GEMIN2: variants seen among roughly 807,000 people sequenced by gnomAD.
GEMIN2 encodes the protein gem-associated protein 2.
GEMIN2 carries 37 observed loss-of-function variants against 45.8 expected under a neutral mutation model. The observed-to-expected ratio is 0.81, with a 90% CI of 0.62 to 1.06. The LOEUF (loss-of-function observed/expected upper bound fraction) is 1.06, where lower values mean the gene tolerates loss of function less well. Among genes scored for constraint, GEMIN2 ranks in the 50% least tolerant of loss-of-function variants. The pLI, the probability that GEMIN2 is intolerant of heterozygous loss-of-function variation, is 0.00. For synonymous variants in GEMIN2, 101 were observed against 111.5 expected (o/e 0.91, Z 0.60); for missense variants, 335 against 321.8 (o/e 1.04, Z -0.31).
intron 4 of GEMIN2, among the ~76,000 whole-genome samples, chr14:39,118,843 T>C (rs970193725): frequency 6.6e-6 from 1 of 150,848 alleles, no homozygotes; most frequent in Non-Finnish European, 1.5e-5. Context: ...AGTGCAGTCA[T>C]GGCTCACTGC....
rs2139360604 is a variant in GEMIN2, at chr14:39,133,666, C to A, written c.717C>A (p.Ser239Arg). The stretch of plus-strand genomic sequence containing the variant: ...TTTTCTTTTTTTTTTTTTAGGATAG[C>A]AAAGATGATGAGAGGGTTCCTGCTT... ...RCSEVRLLVD[S>R]KDDERVPALN... Residue 239 changes from serine to arginine, a missense_variant, in exon 9 of 10, where the codon AGC (serine) becomes AGA (arginine). By Grantham distance (110) the Ser-to-Arg change is moderately radical (BLOSUM62 -1). Transcript: ENST00000308317. 3.4e-6 allele frequency: 5 copies of A among 1,458,944 alleles called. No individual in the cohort carries two copies. Among genetic ancestry groups the A allele is most frequent in the South Asian group, 2.6e-5 (2 of 77,478 alleles). The allele number at this position is 1,458,944 out of a possible 1,614,324, so 90.4% of individuals were successfully genotyped here.
At chr14:39,136,409 A>T (rs1168822007) in intron 9 of GEMIN2, 31 bp from the exon 10 acceptor site, 1 of 1,097,108 alleles carries the variant, frequency 9.1e-7, no homozygotes, top group Admixed American at 1.7e-5. Context: ...TAATATCTTT[A>T]TACATAAATT....
chr14:39,118,780 ATTTTTT>A (rs373341724), intron 4 of GEMIN2, among the ~76,000 whole-genome samples, 181 bp downstream of exon 4: 1 of 138,732 alleles, frequency 7.2e-6, no homozygotes. Flanking sequence ...TTCATGACAA[ATTTTTT>A]TTTTTTTTTT....
rs780699590 is a variant in GEMIN2 at position 39,133,752 on chromosome 14, T to A, written c.770+33T>A. 1.0e-5 allele frequency: 11 copies of A among 1,077,784 alleles called. No individual in the cohort carries two copies. In the South Asian group the frequency reaches 1.4e-4, roughly 14 times the overall value. The allele number at this position is 1,077,784 out of a possible 1,614,324, so 66.8% of individuals were successfully genotyped here. ...TAATCCTTGGCTTCTTTATTATTTATCAGTGAGGTCAGTGAGGTTAGATCG... is the reference window on the plus strand; with the variant it reads ...TAATCCTTGGCTTCTTTATTATTTAACAGTGAGGTCAGTGAGGTTAGATCG... On this transcript the variant is annotated intron_variant, in intron 9 of 9. Coordinates refer to ENST00000308317, the MANE Select transcript of GEMIN2 (RefSeq NM_003616.3).
chr14:39,129,934 GTTTTTT>G (rs34165330), intron 7 of GEMIN2, among the ~76,000 whole-genome samples: 1 of 61,400 alleles, frequency 1.6e-5, no homozygotes, highest in Non-Finnish European at 3.0e-5. Flanking sequence ...AGACAAGTTT[GTTTTTT>G]TTTTTTTTTT....
chr14:39,117,961 C>T, intron 2 of GEMIN2, 38 bp from the exon 3 acceptor site: 1 of 1,058,678 alleles, frequency 9.4e-7, no homozygotes, highest in Non-Finnish European at 1.5e-6. Context: ...AGTTTTGACA[C>T]TAATGTTGAT....
intron 7 of GEMIN2, 154 bp from the exon 8 acceptor site, chr14:39,131,804 A>G (rs2052719718): frequency 3.7e-6 from 2 of 545,654 alleles, no homozygotes; most frequent in Non-Finnish European, 6.5e-6. Context: ...CTGGCTCTCC[A>G]AATGAGGCTT....
chr14:39,117,416 A>C (rs1314490355), intron 2 of GEMIN2, among the ~76,000 whole-genome samples: 2 of 152,220 alleles, frequency 1.3e-5, no homozygotes, highest in Non-Finnish European at 2.9e-5. Flanking sequence ...CACAATAATA[A>C]TTGTACATAT....
chr14:39,131,222 G>A lies in GEMIN2; in HGVS notation c.601-736G>A, dbSNP rs915822392. ...TGAGACAGGAGAATTGCTTGAACCCGGGAGGCAGAGGTTGCAGTGAGCCGA... is the reference window on the plus strand; with the variant it reads ...TGAGACAGGAGAATTGCTTGAACCCAGGAGGCAGAGGTTGCAGTGAGCCGA... On this transcript the variant is annotated intron_variant, in intron 7 of 9. Transcript: ENST00000308317. Among the ~76,000 whole-genome samples, 5 of 152,040 alleles carry A rather than the reference G, an allele frequency of 3.3e-5. No individual in the cohort carries two copies. In the East Asian group the frequency reaches 7.7e-4, roughly 23 times the overall value.
chr14:39,123,265 T>G (rs2052596526), intron 5 of GEMIN2, among the ~76,000 whole-genome samples: 1 of 152,166 alleles, frequency 6.6e-6, no homozygotes, highest in Admixed American at 6.6e-5. Flanking sequence ...ATTTATTATT[T>G]GCTATATGGT....
intron 1 of GEMIN2, 24 bp downstream of exon 1, chr14:39,114,499 G>A (rs1345813465): frequency 1.3e-6 from 2 of 1,592,128 alleles, no homozygotes; most frequent in Non-Finnish European, 1.7e-6. Flanking sequence ...CCCTGGGCGG[G>A]TGGGCTGGTC....
At chr14:39,132,175 C>A in intron 8 of GEMIN2, 107 bp downstream of exon 8, 1 of 677,390 alleles carries the variant, frequency 1.5e-6, no homozygotes, top group South Asian at 1.7e-5. Context: ...TTATTGGTGG[C>A]AATTAGATTT....
chr14:39,124,684 C>T (rs114767288), intron 5 of GEMIN2, among the ~76,000 whole-genome samples: 2,127 of 152,032 alleles, frequency 0.014, 58 homozygotes, highest in African/African-American at 0.048. Context: ...GAGGTGGGAG[C>T]ATCACCTGAG....
chr14:39,122,335 A>G lies in GEMIN2; in HGVS notation c.373-95A>G, dbSNP rs1038481495. 3.9e-5 allele frequency: 25 copies of G among 646,368 alleles called. No individual in the cohort carries two copies. In the African/African-American group the frequency reaches 4.7e-4, roughly 12 times the overall value. The allele number at this position is 646,368 out of a possible 1,614,324, so 40.0% of individuals were successfully genotyped here. A position where few individuals can be genotyped will look rare whatever the true frequency, so the allele number is the denominator to read the frequency against. On this transcript the variant is annotated intron_variant, in intron 4 of 9. Coordinates refer to ENST00000308317, the MANE Select transcript of GEMIN2 (RefSeq NM_003616.3). ...TGGCTCCGTATCTTTGGGTTGCGGT[A>G]ATGGGAATATGGAAGGACTTAACTT...
At chr14:39,119,709 G>A (rs1353443963) in intron 4 of GEMIN2, among the ~76,000 whole-genome samples, 11 of 152,184 alleles carry the variant, frequency 7.2e-5, no homozygotes, top group African/African-American at 1.7e-4. Context: ...GAAACCAGCC[G>A]AAAGCTGAGA....
At chr14:39,135,574 G>A (rs1334104539) in intron 9 of GEMIN2, among the ~76,000 whole-genome samples, 2 of 146,716 alleles carry the variant, frequency 1.4e-5, no homozygotes, top group African/African-American at 5.0e-5. Context: ...CAACAAGAAC[G>A]AAACTCCATC....
At chr14:39,132,707 C>T (rs1208890967) in intron 8 of GEMIN2, among the ~76,000 whole-genome samples, 1 of 113,612 alleles carries the variant, frequency 8.8e-6, no homozygotes, top group African/African-American at 3.4e-5. Context: ...GAGATGGAGT[C>T]TCGCTCTGTC....
rs2052784607 is a variant in GEMIN2 at position 39,136,563 on chromosome 14, TTTCAACACATC to T, written c.*93_*103del. 1 of 1,012,996 alleles carries T rather than the reference TTTCAACACATC, an allele frequency of 9.9e-7. No individual in the cohort carries two copies. The highest frequency in any genetic ancestry group is 1.6e-6 in the Non-Finnish European group (1 of 641,794). 62.8% of individuals were successfully genotyped at this position (1,012,996 alleles called of 1,614,324 possible). A position where few individuals can be genotyped will look rare whatever the true frequency, so the allele number is the denominator to read the frequency against. ...AAAACAATGCCAATTCAAGTACAGA[TTTCAACACATC>T]TTCAACACTATGTGAAGGGTTCACA... On this transcript the variant is annotated 3_prime_UTR_variant, in exon 10 of 10. Transcript: ENST00000308317.
chr14:39,116,622 T>TTA (rs2052511140), intron 2 of GEMIN2, among the ~76,000 whole-genome samples: 1 of 3,756 alleles, frequency 2.7e-4, no homozygotes, highest in South Asian at 0.071. Flanking sequence ...TCAAAGTAGT[T>TTA]TCTCTGATAC....
Sources: allele counts gnomAD v4.1 joint callset (sites outside exome capture counted in the v4.1 genomes callset), GRCh38; gene constraint gnomAD v4.1.1; transcripts MANE v1.5; gene names NCBI Gene and HGNC (gene_info 2026-07-23, HGNC 2026-07-21).